Variants in IKBKB-DT observed in about 807,000 individuals in gnomAD.
The protein encoded by IKBKB-DT is IKBKB antisense RNA.
At chr8:42,260,113 T>G (rs924177905) in intron 3 of IKBKB-DT, among the ~76,000 whole-genome samples, 1 of 151,438 alleles carries the variant, frequency 6.6e-6, no homozygotes, top group African/African-American at 2.4e-5. Context: ...AGTCGGGAGA[T>G]CTCAAGTTCC....
At chr8:42,251,828 C>CAAAAA (rs59420104) in intron 3 of IKBKB-DT, among the ~76,000 whole-genome samples, 1,838 of 91,268 alleles carry the variant, frequency 0.02, 67 homozygotes, top group African/African-American at 0.069. Context: ...GACTCCATCT[C>CAAAAA]AAAAAAAAAA....
intron 3 of IKBKB-DT, among the ~76,000 whole-genome samples, chr8:42,246,445 C>T (rs186248387): frequency 2.9e-4 from 44 of 152,266 alleles, no homozygotes; most frequent in Non-Finnish European, 5.7e-4. Context: ...GCTCTGGTTC[C>T]CTTCTCCCCA....
intron 3 of IKBKB-DT, among the ~76,000 whole-genome samples, chr8:42,263,061 G>C (rs539513883): frequency 6.6e-6 from 1 of 151,822 alleles, no homozygotes; most frequent in South Asian, 2.1e-4. Context: ...ATTTTTAGTA[G>C]AGACAGGGTC....
At chr8:42,239,919 A>G (rs923449753) in intron 3 of IKBKB-DT, among the ~76,000 whole-genome samples, 4 of 151,908 alleles carry the variant, frequency 2.6e-5, no homozygotes, top group African/African-American at 9.7e-5. Flanking sequence ...GATTATAGGC[A>G]TGAGCCACCG....
chr8:42,255,304 A>C (rs368661483), intron 3 of IKBKB-DT: 1 of 152,230 alleles, frequency 6.6e-6, no homozygotes, highest in African/African-American at 2.4e-5. Flanking sequence ...TAATTAAAAA[A>C]AAATCATATA....
intron 3 of IKBKB-DT, among the ~76,000 whole-genome samples, chr8:42,241,224 C>A (rs866310525): frequency 2.2e-5 from 1 of 45,694 alleles, no homozygotes; most frequent in Non-Finnish European, 4.5e-5. Flanking sequence ...ATGTTGGAAT[C>A]TTTTTTTTTT....
At chr8:42,243,195 A>T (rs1458604340) in intron 3 of IKBKB-DT, among the ~76,000 whole-genome samples, 1 of 152,158 alleles carries the variant, frequency 6.6e-6, no homozygotes, top group Non-Finnish European at 1.5e-5. Context: ...AAAACTCTCC[A>T]GGTGGGGAGA....
At chr8:42,238,554 G>C (rs577894421) in intron 3 of IKBKB-DT, among the ~76,000 whole-genome samples, 2 of 152,332 alleles carry the variant, frequency 1.3e-5, no homozygotes, top group Admixed American at 1.3e-4. Flanking sequence ...AACCAGCCAT[G>C]GTTCCTTAGG....
intron 3 of IKBKB-DT, among the ~76,000 whole-genome samples, chr8:42,258,247 A>G (rs1027571336): frequency 6.6e-6 from 1 of 152,132 alleles, no homozygotes; most frequent in Non-Finnish European, 1.5e-5. Context: ...AATTGATTCA[A>G]TTTTAGCCAA....
chr8:42,242,532 T>C (rs1807016172), intron 3 of IKBKB-DT, among the ~76,000 whole-genome samples: 1 of 152,208 alleles, frequency 6.6e-6, no homozygotes, highest in Non-Finnish European at 1.5e-5. Context: ...GTTGGTATAT[T>C]AATTGTAGCT....
At chr8:42,244,302 T>C (rs902769389) in intron 3 of IKBKB-DT, among the ~76,000 whole-genome samples, 1 of 152,150 alleles carries the variant, frequency 6.6e-6, no homozygotes, top group African/African-American at 2.4e-5. Context: ...AGTTATCCTA[T>C]TTGGGAGAAG....
Position 42,248,950 on chromosome 8 carries a change from A to T in IKBKB-DT, n.1529+14379T>A, listed in dbSNP as rs570349861. On this transcript the variant is annotated intron_variant and non_coding_transcript_variant, in intron 3 of 3. Transcript: ENST00000518213. ...ACAAAGGTGTAAATTTTACTATTGCAAAAGGACTCTGCTTCACTGGAAGTT... is the reference window on the plus strand; with the variant it reads ...ACAAAGGTGTAAATTTTACTATTGCTAAAGGACTCTGCTTCACTGGAAGTT... 8.5e-5 allele frequency: 13 copies of T among 152,222 alleles called. No homozygotes were observed. In the East Asian group the frequency reaches 2.5e-3, roughly 29 times the overall value. The allele number at this position is 152,222 out of a possible 1,614,324, so 9.4% of individuals were successfully genotyped here. A position where few individuals can be genotyped will look rare whatever the true frequency, so the allele number is the denominator to read the frequency against.
chr8:42,268,496 C>G (rs1235073190), intron 1 of IKBKB-DT, among the ~76,000 whole-genome samples: 1 of 152,010 alleles, frequency 6.6e-6, no homozygotes, highest in Non-Finnish European at 1.5e-5. Flanking sequence ...GTCTTGAACT[C>G]CTGACCTCAA....
At chr8:42,239,632 A>ATATATATATATATTTATTTATT (rs1287944961) in intron 3 of IKBKB-DT, among the ~76,000 whole-genome samples, 1 of 86,970 alleles carries the variant, frequency 1.1e-5, no homozygotes, top group African/African-American at 4.3e-5. Flanking sequence ...ATATATATAT[A>ATATATATATATATTTATTTATT]TATTTATTTA....
intron 1 of IKBKB-DT, among the ~76,000 whole-genome samples, chr8:42,268,247 G>A (rs1301191428): frequency 1.3e-5 from 2 of 150,492 alleles, no homozygotes; most frequent in Non-Finnish European, 2.9e-5. Context: ...CGATTCTCCT[G>A]CCTCAGCCTC....
chr8:42,264,357 T>C (rs1807338680), intron 2 of IKBKB-DT, among the ~76,000 whole-genome samples: 1 of 151,824 alleles, frequency 6.6e-6, no homozygotes, highest in South Asian at 2.1e-4. Flanking sequence ...GGTCTCCCTA[T>C]ATTGCCCAGG....
chr8:42,261,189 T>C (rs1158624167), intron 3 of IKBKB-DT, among the ~76,000 whole-genome samples: 1 of 152,066 alleles, frequency 6.6e-6, no homozygotes, highest in Admixed American at 6.6e-5. Flanking sequence ...TAGCTGGATG[T>C]GCTGGTGTAC....
At chr8:42,255,319 C>A (rs1324049410) in intron 3 of IKBKB-DT, 1 of 152,180 alleles carries the variant, frequency 6.6e-6, no homozygotes, top group Non-Finnish European at 1.5e-5. Flanking sequence ...CATATAGGCT[C>A]TTTTTAAGTC....
intron 3 of IKBKB-DT, among the ~76,000 whole-genome samples, chr8:42,259,072 C>A (rs909387032): frequency 6.6e-6 from 1 of 151,988 alleles, no homozygotes; most frequent in Non-Finnish European, 1.5e-5. Context: ...CTTGCCCAGG[C>A]TGGAATGCAA....
Sources: gnomAD v4.1 joint callset for allele counts (sites outside exome capture counted in the v4.1 genomes callset) on GRCh38, gnomAD v4.1.1 for gene constraint, MANE v1.5 for transcripts, NCBI Gene and HGNC (gene_info 2026-07-23, HGNC 2026-07-21) for gene names.